The following GRB10 variants were observed in gnomAD, a reference collection of about 807,000 sequenced individuals.
GRB10 encodes the protein growth factor receptor bound protein 10, also known as growth factor receptor-bound protein 10.
A neutral mutation model predicts 80.9 loss-of-function variants in GRB10; 20 were observed. The observed-to-expected ratio is 0.25, with a 90% confidence interval of 0.17 to 0.36. The LOEUF (loss-of-function observed/expected upper bound fraction) is 0.36, where lower values mean the gene tolerates loss of function less well. Among genes scored for constraint, GRB10 ranks in the 10% least tolerant of loss-of-function variants. GRB10 has a pLI of 1.00. For synonymous variants in GRB10, 291 were observed against 291.5 expected (o/e 1.00, Z 0.02); for missense variants, 548 against 747.7 (o/e 0.73, Z 3.12).
chr7:50,628,732 A>G (rs2053468003), intron 7 of GRB10, among the ~76,000 whole-genome samples: 1 of 152,152 alleles, frequency 6.6e-6, no homozygotes, highest in African/African-American at 2.4e-5. Context: ...TCCAACTCAA[A>G]GAAATCCCAG....
chr7:50,617,301 TGAG>T (rs974235853), intron 10 of GRB10, among the ~76,000 whole-genome samples: 26 of 152,360 alleles, frequency 1.7e-4, no homozygotes, highest in Middle Eastern at 6.8e-3. Context: ...AAAGGGCTTA[TGAG>T]GAGAATTCTG....
chr7:50,595,689 T>TAAGTGCATTTA, intron 17 of GRB10, 159 bp from the exon 18 acceptor site: 2 of 637,958 alleles, frequency 3.1e-6, no homozygotes, highest in Admixed American at 4.4e-5. Flanking sequence ...AAGTGGCCTC[T>TAAGTGCATTTA]AGGGGCAACA....
intron 2 of GRB10, among the ~76,000 whole-genome samples, chr7:50,770,694 C>G (rs1264978333): frequency 6.6e-6 from 1 of 152,098 alleles, no homozygotes; most frequent in Non-Finnish European, 1.5e-5. Flanking sequence ...ATGGGGGGAT[C>G]CAACTACCTT....
In GRB10 at chr7:50,619,159, G is replaced by GT; in HGVS notation, c.777+10dup. ...AGTCCCAAACCCCAAACCTGAAGAG[G>GT]TAAGACTCACCATGGGATTTTTAAA... On this transcript the variant is annotated intron_variant, in intron 9 of 18. Transcript: ENST00000401949. The GT allele has an allele frequency of 6.8e-7, 1 of 1,476,832 alleles. No homozygotes were observed. Among genetic ancestry groups the GT allele is most frequent in the Non-Finnish European group, 9.5e-7 (1 of 1,054,668 alleles). 91.5% of individuals were successfully genotyped at this position (1,476,832 alleles called of 1,614,324 possible).
At chr7:50,707,444 T>C (rs1191426918) in intron 4 of GRB10, among the ~76,000 whole-genome samples, 1 of 152,208 alleles carries the variant, frequency 6.6e-6, no homozygotes, top group African/African-American at 2.4e-5. Context: ...GGGCCGGCAA[T>C]CCTACATTTT....
At chr7:50,627,746 T>C (rs2053206128) in intron 7 of GRB10, among the ~76,000 whole-genome samples, 1 of 152,190 alleles carries the variant, frequency 6.6e-6, no homozygotes, top group African/African-American at 2.4e-5. Context: ...ACGAGGTGTG[T>C]TTAACAAATC....
chr7:50,628,134 C>A (rs2053314937), intron 7 of GRB10, among the ~76,000 whole-genome samples: 2 of 152,228 alleles, frequency 1.3e-5, no homozygotes, highest in African/African-American at 4.8e-5. Context: ...CAATGCTTTC[C>A]CATGGCAGTG....
intron 4 of GRB10, among the ~76,000 whole-genome samples, chr7:50,704,347 A>C (rs907996942): frequency 6.6e-5 from 10 of 152,366 alleles, no homozygotes; most frequent in African/African-American, 2.4e-4. Flanking sequence ...ACAAAATGTT[A>C]AGGAGCTCAG....
chr7:50,764,309 T>C (rs2076100507), intron 2 of GRB10, among the ~76,000 whole-genome samples: 1 of 152,232 alleles, frequency 6.6e-6, no homozygotes, highest in Non-Finnish European at 1.5e-5. Context: ...ACATCAGGCT[T>C]GCTAGTGCTG....
At chr7:50,597,965 G>T (rs921171447) in intron 17 of GRB10, among the ~76,000 whole-genome samples, 9 of 152,144 alleles carry the variant, frequency 5.9e-5, no homozygotes, top group African/African-American at 2.2e-4. Flanking sequence ...CTAGGTTCAA[G>T]CGATTCTCCC....
chr7:50,694,697 G>A (rs928076318), intron 5 of GRB10, among the ~76,000 whole-genome samples: 1 of 152,164 alleles, frequency 6.6e-6, no homozygotes, highest in South Asian at 2.1e-4. Context: ...ACTCCCCCAA[G>A]CACTGAACTC....
upstream of GRB10, among the ~76,000 whole-genome samples, chr7:50,784,682 C>T (rs2078616268): frequency 6.6e-6 from 1 of 152,224 alleles, no homozygotes; most frequent in Non-Finnish European, 1.5e-5. Context: ...GCTGACAGGA[C>T]ACACATTTTG....
chr7:50,628,262 C>A (rs2053341174), intron 7 of GRB10, among the ~76,000 whole-genome samples: 1 of 152,218 alleles, frequency 6.6e-6, no homozygotes, highest in Admixed American at 6.5e-5. Context: ...AGCTTTGGAG[C>A]TGGATCTGCA....
chr7:50,790,224 G>A (rs538385280), intron 1 of GRB10, among the ~76,000 whole-genome samples: 1 of 152,212 alleles, frequency 6.6e-6, no homozygotes, highest in African/African-American at 2.4e-5. Flanking sequence ...GATCAGACCA[G>A]TTATACCCCT....
chr7:50,674,611 G>C lies in GRB10; in HGVS notation c.187C>G (p.Leu63Val). Residue 63 changes from leucine (L) to valine (V), a missense_variant, in exon 6 of 19, where the codon CTG becomes GTG. Physicochemically the swap from Leu to Val is conservative, Grantham distance 32. Coordinates refer to ENST00000401949, the MANE Select transcript of GRB10 (RefSeq NM_001350814.2). ...CTGCAGGCCGAGTACAGGCTCTCCA[G>C]GGATGCATTCATATCGTTCACCAGG... ...EALVNDMNAS[L>V]ESLYSACSMQ... is the part of the protein sequence containing the mutation. 2.5e-6 allele frequency: 4 copies of C among 1,613,818 alleles called. No homozygotes were observed. The highest frequency in any genetic ancestry group is 3.4e-6 in the Non-Finnish European group (4 of 1,180,044).
chr7:50,597,966 C>T (rs950635817), intron 17 of GRB10, among the ~76,000 whole-genome samples: 4 of 152,088 alleles, frequency 2.6e-5, no homozygotes, highest in African/African-American at 7.2e-5. Context: ...TAGGTTCAAG[C>T]GATTCTCCCC....
intron 4 of GRB10, among the ~76,000 whole-genome samples, chr7:50,720,357 G>T: frequency 6.6e-6 from 1 of 152,136 alleles, no homozygotes; most frequent in East Asian, 1.9e-4. Context: ...TATTTAACAG[G>T]TTCTGGGGAA....
At chr7:50,621,649 T>TA (rs1488456557) in intron 8 of GRB10, among the ~76,000 whole-genome samples, 1 of 152,238 alleles carries the variant, frequency 6.6e-6, no homozygotes, top group Non-Finnish European at 1.5e-5. Context: ...GATTTAAAGA[T>TA]ATGTATTTTC....
intron 7 of GRB10, among the ~76,000 whole-genome samples, chr7:50,661,503 C>G (rs1211299434): frequency 6.6e-6 from 1 of 152,144 alleles, no homozygotes; most frequent in Non-Finnish European, 1.5e-5. Context: ...TGTCAAAGTG[C>G]CCACTGAGCT....
Sources: gnomAD v4.1 joint callset for allele counts (sites outside exome capture counted in the v4.1 genomes callset) on GRCh38, gnomAD v4.1.1 for gene constraint, MANE v1.5 for transcripts, NCBI Gene and HGNC (gene_info 2026-07-23, HGNC 2026-07-21) for gene names.